Variants in ACAT2 observed in about 807,000 individuals in gnomAD.
The protein encoded by ACAT2 is acetyl-CoA acetyltransferase, cytosolic.
Under a neutral mutation model 37.1 loss-of-function variants are expected in ACAT2, and 26 were observed. That is an observed-to-expected ratio of 0.70 (90% CI 0.51 to 0.97). The LOEUF is 0.97. ACAT2 is among the 50% of genes least tolerant of loss of function. The probability of loss-of-function intolerance (pLI) is 0.00; values close to 1 mark genes in which losing one functional copy is unlikely to be tolerated. For synonymous variants in ACAT2, 156 were observed against 163.6 expected (o/e 0.95, Z 0.35); for missense variants, 468 against 489.0 (o/e 0.96, Z 0.40).
chr6:159,768,801 G>C (rs1054083966), intron 4 of ACAT2, among the ~76,000 whole-genome samples, 173 bp downstream of exon 4: 1 of 152,170 alleles, frequency 6.6e-6, no homozygotes, highest in African/African-American at 2.4e-5. Flanking sequence ...GTGAACTCTT[G>C]ATTATCAGAG....
Position 159,778,990 on chromosome 6 carries a change from C to T in ACAT2, c.*161C>T, listed in dbSNP as rs1780503690. 1 of 1,579,060 alleles carries T rather than the reference C, an allele frequency of 6.3e-7. No homozygotes were observed. Among genetic ancestry groups the T allele is most frequent in the Non-Finnish European group, 8.7e-7 (1 of 1,156,068 alleles). On this transcript the variant is annotated 3_prime_UTR_variant, in exon 9 of 9. Transcript: ENST00000367048. The stretch of plus-strand genomic sequence containing the variant: ...CTTTACTTTAATGTGTAATACTCAA[C>T]TCAAGGTACAAGACAATTGCATTTA...
rs200076181 is a variant in ACAT2, at chr6:159,763,019, G to T, written c.156G>T (p.Val52=). The T allele has an allele frequency of 1.9e-6, 3 of 1,613,984 alleles. No individual in the cohort carries two copies. Among genetic ancestry groups the T allele is most frequent in the Non-Finnish European group, 2.5e-6 (3 of 1,179,950 alleles). ...GGGCCACTGTGGCTCCGGAAGATGTGTCTGAGGTCATCTTTGGACATGTCT... is the reference window on the plus strand; with the variant it reads ...GGGCCACTGTGGCTCCGGAAGATGTTTCTGAGGTCATCTTTGGACATGTCT... The part of the protein sequence containing the change: ...LKRATVAPED[V]SEVIFGHVLA... The change falls in exon 2 of 9, where the codon GTG becomes GTT. Residue 52 remains valine (V), a synonymous_variant. Coordinates refer to ENST00000367048, the MANE Select transcript of ACAT2 (RefSeq NM_005891.3).
At chr6:159,767,298 A>G in intron 3 of ACAT2, 112 bp downstream of exon 3, 1 of 1,121,144 alleles carries the variant, frequency 8.9e-7, no homozygotes, top group Non-Finnish European at 1.3e-6. Context: ...ACAGTGAACA[A>G]ATAAACAGAA....
rs770629949 is a variant in ACAT2 at position 159,778,163 on chromosome 6, C to T, written c.913-7C>T. ...TTAGACCTCTTTTCTATGAATCTTT[C>T]CTCTAGGTTACAAAAGCAGGTTGGT... On this transcript the variant is annotated splice_region_variant and splice_polypyrimidine_tract_variant and intron_variant, in intron 7 of 8. Transcript: ENST00000367048. 1.3e-6 allele frequency: 2 copies of T among 1,595,622 alleles called. No homozygotes were observed. Among genetic ancestry groups the T allele is most frequent in the South Asian group, 1.1e-5 (1 of 89,892 alleles).
chr6:159,777,788 C>T (rs1330021959), intron 7 of ACAT2, among the ~76,000 whole-genome samples: 2 of 152,280 alleles, frequency 1.3e-5, no homozygotes, highest in African/African-American at 4.8e-5. Flanking sequence ...TCAATTGATC[C>T]TCTTGCCTTA....
chr6:159,762,465 C>T, intron 1 of ACAT2: 1 of 1,329,786 alleles, frequency 7.5e-7, no homozygotes, highest in Non-Finnish European at 9.7e-7. Flanking sequence ...TGGCCGGCTC[C>T]GGGAGGCGCC....
chr6:159,762,841 G>T, intron 1 of ACAT2, 78 bp from the exon 2 acceptor site: 1 of 1,597,778 alleles, frequency 6.3e-7, no homozygotes, highest in East Asian at 2.2e-5. Context: ...ACAGGGTCAT[G>T]AGGCTCCCCT....
chr6:159,771,650 CA>C (rs769011249), intron 4 of ACAT2, among the ~76,000 whole-genome samples: 2,352 of 96,288 alleles, frequency 0.024, 52 homozygotes, highest in African/African-American at 0.076. Flanking sequence ...GACTCTGTCT[CA>C]AAAAAAAAAA....
In ACAT2 at chr6:159,776,435, G is replaced by C. The variant is rs528996715; in HGVS notation, c.757+163G>C. ...GCAATATGATCATTGCTCACTTGCA[G>C]CCTCAAACTCCTGGGCTCAAGTGAG... is the stretch of plus-strand genomic sequence containing the variant. On this transcript the variant is annotated intron_variant, in intron 6 of 8. Coordinates refer to ENST00000367048, the MANE Select transcript of ACAT2 (RefSeq NM_005891.3). Among the ~76,000 whole-genome samples, 40 of 152,302 alleles carry C rather than the reference G, an allele frequency of 2.6e-4. 1 individual carries two copies. The East Asian group carries it at 2.9e-3, about 11-fold the overall frequency.
intron 3 of ACAT2, among the ~76,000 whole-genome samples, chr6:159,767,873 T>A (rs2114978531): frequency 6.6e-6 from 1 of 152,322 alleles, no homozygotes; most frequent in South Asian, 2.1e-4. Flanking sequence ...GACATCTGTG[T>A]AGTACTTTAC....
intron 2 of ACAT2, among the ~76,000 whole-genome samples, chr6:159,763,816 G>C (rs908771079): frequency 2.0e-5 from 3 of 150,122 alleles, no homozygotes; most frequent in Non-Finnish European, 3.0e-5. Context: ...TACGAAGCAG[G>C]GCCGGCCGGG....
In ACAT2 at chr6:159,778,992, C is replaced by A; in HGVS notation, c.*163C>A. On this transcript the variant is annotated 3_prime_UTR_variant, in exon 9 of 9. Coordinates refer to ENST00000367048, the MANE Select transcript of ACAT2 (RefSeq NM_005891.3). ...TTACTTTAATGTGTAATACTCAACTCAAGGTACAAGACAATTGCATTTAAC... is the reference window on the plus strand; with the variant it reads ...TTACTTTAATGTGTAATACTCAACTAAAGGTACAAGACAATTGCATTTAAC... 6.3e-7 allele frequency: 1 copy of A among 1,580,364 alleles called. No individual in the cohort carries two copies. The highest frequency in any genetic ancestry group is 1.1e-5 in the South Asian group (1 of 87,320).
In ACAT2 at chr6:159,768,709, C is replaced by CGTCCTT. The variant is rs568158084; in HGVS notation, c.490+82_490+87dup. On this transcript the variant is annotated intron_variant, in intron 4 of 8. Transcript: ENST00000367048. ...TACTAATCTGCTTCTTAGGTGCTTTCGTCCTTATGGCCAGAGACTGTCTTA... is the reference window on the plus strand; with the variant it reads ...TACTAATCTGCTTCTTAGGTGCTTTCGTCCTTGTCCTTATGGCCAGAGACTGTCTTA... 5.3e-4 allele frequency: 488 copies of CGTCCTT among 924,878 alleles called. 2 individuals are homozygous for CGTCCTT. In the African/African-American group the frequency reaches 6.9e-3, roughly 13 times the overall value. 57.3% of individuals were successfully genotyped at this position (924,878 alleles called of 1,614,324 possible). A position where few individuals can be genotyped will look rare whatever the true frequency, so the allele number is the denominator to read the frequency against.
rs373434668 is a variant in ACAT2, at chr6:159,768,470, T to C, written c.373-41T>C. On this transcript the variant is annotated intron_variant, in intron 3 of 8. Coordinates refer to ENST00000367048, the MANE Select transcript of ACAT2 (RefSeq NM_005891.3). ...AGTTGTATTCTGGGGAGAAGACTAA[T>C]TGCAACTAAGCCTAAATCCATTTTT... The C allele has an allele frequency of 6.4e-6, 9 of 1,403,590 alleles. No homozygotes were observed. The African/African-American group carries it at 9.9e-5, about 15-fold the overall frequency. 86.9% of individuals were successfully genotyped at this position (1,403,590 alleles called of 1,614,324 possible). A position where few individuals can be genotyped will look rare whatever the true frequency, so the allele number is the denominator to read the frequency against.
At chr6:159,762,592 T>A (rs1780167073) in intron 1 of ACAT2, 2 of 1,373,888 alleles carry the variant, frequency 1.5e-6, no homozygotes, top group Non-Finnish European at 1.9e-6. Context: ...TCGTGCCGCA[T>A]GGTTTTCAAC....
At chr6:159,772,821 AAAAG>A (rs1340617828) in intron 4 of ACAT2, among the ~76,000 whole-genome samples, 1 of 151,276 alleles carries the variant, frequency 6.6e-6, no homozygotes, top group East Asian at 1.9e-4. Flanking sequence ...AAAAAAAAAA[AAAAG>A]AAAGAAAAAC....
In ACAT2 at chr6:159,777,399, A is replaced by G; in HGVS notation, c.855A>G (p.Gln285=). The change falls in exon 7 of 9, where the codon CAA becomes CAG. Residue 285 remains glutamine, a synonymous_variant. Transcript: ENST00000367048. ...TPLARIVSWS[Q]VGVEPSIMGI... The stretch of plus-strand genomic sequence containing the variant: ...TAGCACGGATAGTTTCCTGGTCCCA[A>G]GTGGGTGTGGAGCCTTCCATTATGG... 5 of 1,614,190 alleles carry G rather than the reference A, an allele frequency of 3.1e-6. No homozygotes were observed. The highest frequency in any genetic ancestry group is 2.2e-5 in the South Asian group (2 of 91,082).
At chr6:159,762,540 C>A (rs1780165646) in intron 1 of ACAT2, 2 of 1,308,864 alleles carry the variant, frequency 1.5e-6, no homozygotes, top group Admixed American at 5.6e-5. Flanking sequence ...GGGCTGGGGT[C>A]GGGCTGTCAC....
chr6:159,762,488 T>G, intron 1 of ACAT2: 2 of 1,310,000 alleles, frequency 1.5e-6, no homozygotes, highest in Non-Finnish European at 2.0e-6. Flanking sequence ...CGGTAATGCC[T>G]GCGGCAGGGG....
Sources: allele counts gnomAD v4.1 joint callset (sites outside exome capture counted in the v4.1 genomes callset), GRCh38; gene constraint gnomAD v4.1.1; transcripts MANE v1.5; gene names NCBI Gene and HGNC (gene_info 2026-07-23, HGNC 2026-07-21).